The following MLYCD variants were observed in gnomAD, a reference collection of about 807,000 sequenced individuals.
The protein encoded by MLYCD is malonyl-CoA decarboxylase.
In MLYCD, 27 loss-of-function variants were observed where a neutral mutation model predicts 35.8. That is an observed-to-expected ratio of 0.75 (90% confidence interval 0.56 to 1.04). MLYCD has a LOEUF of 1.04. Among genes scored for constraint, MLYCD ranks in the 50% least tolerant of loss-of-function variants. The pLI is 0.00. For synonymous variants in MLYCD, 403 were observed against 302.4 expected, an observed-to-expected ratio of 1.33 and a Z score of -3.45; for missense variants, 917 against 665.1, an observed-to-expected ratio of 1.38 and a Z score of -4.17.
chr16:83,902,257 T>C (rs1250719637), intron 1 of MLYCD, among the ~76,000 whole-genome samples: 6 of 149,854 alleles, frequency 4.0e-5, no homozygotes, highest in African/African-American at 1.2e-4. Context: ...TTATGTTTTT[T>C]CTTGTTACGT....
intron 3 of MLYCD, among the ~76,000 whole-genome samples, 193 bp downstream of exon 3, chr16:83,908,475 C>G (rs995107305): frequency 1.3e-5 from 2 of 149,790 alleles, no homozygotes; most frequent in African/African-American, 2.5e-5. Context: ...AACAGGCAGA[C>G]AGTTATGGAG....
Position 83,922,372 on chromosome 16 carries a change from C to G in MLYCD, c.*6883C>G, listed in dbSNP as rs545289498. On this transcript the variant is annotated 3_prime_UTR_variant, in exon 5 of 5. Transcript: ENST00000262430. ...CCCACCCACAGGGTTTCACAAGAGG[C>G]CCAGCCATGCACCCTGCTGGGGTTC... The G allele has an allele frequency of 6.6e-6, 1 of 152,312 alleles. No individual in the cohort carries two copies. Among genetic ancestry groups the G allele is most frequent in the Non-Finnish European group, 1.5e-5 (1 of 68,122 alleles). 9.4% of individuals were successfully genotyped at this position (152,312 alleles called of 1,614,324 possible).
chr16:83,902,454 C>G (rs1473553304), intron 1 of MLYCD, among the ~76,000 whole-genome samples: 1 of 150,582 alleles, frequency 6.6e-6, no homozygotes, highest in Non-Finnish European at 1.5e-5. Flanking sequence ...ATTGTAACCT[C>G]TCACCAGAAT....
At chr16:83,914,632 T>C in intron 4 of MLYCD, 1 of 391,136 alleles carries the variant, frequency 2.6e-6, no homozygotes, top group Non-Finnish European at 4.9e-6. Flanking sequence ...AAATATTTCC[T>C]GCTGGGTGTG....
intron 1 of MLYCD, among the ~76,000 whole-genome samples, chr16:83,904,591 C>T (rs765629977): frequency 2.0e-5 from 3 of 152,216 alleles, no homozygotes; most frequent in Admixed American, 1.3e-4. Flanking sequence ...GAATGCTTTG[C>T]GAACTATAAA....
intron 3 of MLYCD, among the ~76,000 whole-genome samples, chr16:83,909,597 T>G (rs932511189): frequency 6.6e-6 from 1 of 151,198 alleles, no homozygotes; most frequent in Non-Finnish European, 1.5e-5. Context: ...CTGAGCACCC[T>G]GTGATTTAGG....
In MLYCD at chr16:83,912,524, T is replaced by C. The variant is rs1907217719; in HGVS notation, c.948+157T>C. 6 of 947,826 alleles carry C rather than the reference T, an allele frequency of 6.3e-6. 1 individual carries two copies. The South Asian group carries it at 8.6e-5, about 14-fold the overall frequency. 58.7% of individuals were successfully genotyped at this position (947,826 alleles called of 1,614,324 possible). On this transcript the variant is annotated intron_variant, in intron 4 of 4. Transcript: ENST00000262430. ...AAGGTGCCAGAGACCCCTTGGCAAC[T>C]CCTAGGAGCCATGAGTCTCCCAGAG...
intron 1 of MLYCD, among the ~76,000 whole-genome samples, chr16:83,902,261 G>A (rs1418133825): frequency 2.2e-5 from 3 of 136,586 alleles, no homozygotes; most frequent in Non-Finnish European, 3.2e-5. Flanking sequence ...GTTTTTTCTT[G>A]TTACGTTTCC....
In MLYCD at chr16:83,908,052, A is replaced by G. The variant is rs570729605; in HGVS notation, c.642-74A>G. The G allele has an allele frequency of 8.9e-6, 14 of 1,571,130 alleles. No homozygotes were observed. In the South Asian group the frequency reaches 1.6e-4, roughly 17 times the overall value. ...AAGAACTTGTTTGACTTAGACGAAT[A>G]GTATGAATAGGAGTCAGCAGCCGTT... On this transcript the variant is annotated intron_variant, in intron 2 of 4. Coordinates refer to ENST00000262430, the MANE Select transcript of MLYCD (RefSeq NM_012213.3).
rs750654348 is a variant in MLYCD, at chr16:83,915,193, A to C, written c.1186A>C (p.Thr396Pro). 1.9e-6 allele frequency: 3 copies of C among 1,614,026 alleles called. No homozygotes were observed. In the South Asian group the frequency reaches 3.3e-5, roughly 18 times the overall value. The change falls in exon 5 of 5, where the codon ACT (threonine) becomes CCT (proline). Residue 396 changes from threonine to proline, a missense_variant. Thr to Pro is a conservative substitution (Grantham distance 38, BLOSUM62 -1). Transcript: ENST00000262430. ...QSEKLVRALQTPLMRLCAWYL... is the reference protein window; with the variant it reads ...QSEKLVRALQPPLMRLCAWYL... ...GGAGAAGCTGGTGCGGGCGCTGCAG[A>C]CTCCGCTGATGAGGCTGTGCGCCTG...
At chr16:83,902,747 C>A (rs1368315738) in intron 1 of MLYCD, among the ~76,000 whole-genome samples, 2 of 152,146 alleles carry the variant, frequency 1.3e-5, no homozygotes, top group Admixed American at 6.6e-5. Context: ...CTCAGATGAT[C>A]CGCCCGCCTT....
In MLYCD at chr16:83,916,742, G is replaced by C. The variant is rs1907412504; in HGVS notation, c.*1253G>C. The C allele has an allele frequency of 6.9e-6, 1 of 144,676 alleles. No individual in the cohort carries two copies. Among genetic ancestry groups the C allele is most frequent in the African/African-American group, 2.6e-5 (1 of 38,310 alleles). The allele number at this position is 144,676 out of a possible 1,614,324, so 9.0% of individuals were successfully genotyped here. ...TGCACGTCTGTGTGCGTGTGCCCGAGCGTCTCTGTGTGGATCAGTGCACGT... is the reference window on the plus strand; with the variant it reads ...TGCACGTCTGTGTGCGTGTGCCCGACCGTCTCTGTGTGGATCAGTGCACGT... On this transcript the variant is annotated 3_prime_UTR_variant, in exon 5 of 5. Transcript: ENST00000262430.
At chr16:83,910,425 G>A (rs758062560) in intron 3 of MLYCD, among the ~76,000 whole-genome samples, 27 of 152,004 alleles carry the variant, frequency 1.8e-4, no homozygotes, top group Non-Finnish European at 2.9e-4. Context: ...AGTGACTCGC[G>A]CCCAGAATCC....
At position 83,918,735 on chromosome 16, in the gene MLYCD, AACACAGTGCACAGGAGAACACGC is replaced by A. The variant is rs931204138; in HGVS notation, c.*3260_*3282del. 2.2e-5 allele frequency: 3 copies of A among 135,598 alleles called. No individual in the cohort carries two copies. The highest frequency in any genetic ancestry group is 4.7e-5 in the Non-Finnish European group (3 of 63,316). 8.4% of individuals were successfully genotyped at this position (135,598 alleles called of 1,614,324 possible). Reference sequence around the variant, plus strand: ...GAGAAAACGCACACACAGTGCACAGAACACAGTGCACAGGAGAACACGCACACAGTGCACAGAGAACCACACAG... The same window carrying A: ...GAGAAAACGCACACACAGTGCACAGAACACAGTGCACAGAGAACCACACAG... On this transcript the variant is annotated 3_prime_UTR_variant, in exon 5 of 5. Transcript: ENST00000262430.
At chr16:83,912,029 G>A (rs546595674) in intron 3 of MLYCD, 189 bp from the exon 4 acceptor site, 14 of 749,092 alleles carry the variant, frequency 1.9e-5, no homozygotes, top group Non-Finnish European at 2.7e-5. Context: ...CGGTGGAGTC[G>A]CCTCCTCCAG....
rs1907697948 is a variant in MLYCD at position 83,922,877 on chromosome 16, C to A, written c.*7388C>A. The A allele has an allele frequency of 6.6e-6, 1 of 152,296 alleles. No homozygotes were observed. Among genetic ancestry groups the A allele is most frequent in the Non-Finnish European group, 1.5e-5 (1 of 68,096 alleles). The allele number at this position is 152,296 out of a possible 1,614,324, so 9.4% of individuals were successfully genotyped here. On this transcript the variant is annotated 3_prime_UTR_variant, in exon 5 of 5. Coordinates refer to ENST00000262430, the MANE Select transcript of MLYCD (RefSeq NM_012213.3). Reference sequence around the variant, plus strand: ...GAGGTGACTAAGTGGATCATTCGTTCCCGGGAGAGGTGGGAATGGCTCCTG... The same window carrying A: ...GAGGTGACTAAGTGGATCATTCGTTACCGGGAGAGGTGGGAATGGCTCCTG...
rs1172234515 is a variant in MLYCD, at chr16:83,906,691, T to G, written c.529-296T>G. On this transcript the variant is annotated intron_variant, in intron 1 of 4. Coordinates refer to ENST00000262430, the MANE Select transcript of MLYCD (RefSeq NM_012213.3). Reference sequence around the variant, plus strand: ...TAGTATGCTCACTATGGTGAACGAATTGGAAGATATTATTTGATTTGGGCA... The same window carrying G: ...TAGTATGCTCACTATGGTGAACGAAGTGGAAGATATTATTTGATTTGGGCA... Among the ~76,000 whole-genome samples the G allele has an allele frequency of 2.0e-5, 3 of 152,134 alleles. No homozygotes were observed. The East Asian group carries it at 5.8e-4, about 29-fold the overall frequency.
rs947528564 is a variant in MLYCD, at chr16:83,923,672, T to C, written c.*8183T>C. 19 of 152,330 alleles carry C rather than the reference T, an allele frequency of 1.2e-4. No homozygotes were observed. The highest frequency in any genetic ancestry group is 2.2e-4 in the Non-Finnish European group (15 of 68,120). The allele number at this position is 152,330 out of a possible 1,614,324, so 9.4% of individuals were successfully genotyped here. On this transcript the variant is annotated 3_prime_UTR_variant, in exon 5 of 5. Transcript: ENST00000262430. The stretch of plus-strand genomic sequence containing the variant: ...TGTTCCTCACTTAGAGATGAGGCGA[T>C]GAGGCGGCGAGCTGGGAGAGGGCTG...
Position 83,915,746 on chromosome 16 carries a change from T to A in MLYCD, c.*257T>A. 7.3e-7 allele frequency: 1 copy of A among 1,366,162 alleles called. No homozygotes were observed. Among genetic ancestry groups the A allele is most frequent in the South Asian group, 1.5e-5 (1 of 66,696 alleles). 84.6% of individuals were successfully genotyped at this position (1,366,162 alleles called of 1,614,324 possible). ...GCTGTGCTGTCTCCGGAAGATTCTG[T>A]CGTTGCCCTTGGCCTGGCTCCCTGC... is the stretch of plus-strand genomic sequence containing the variant. On this transcript the variant is annotated 3_prime_UTR_variant, in exon 5 of 5. Transcript: ENST00000262430.
Sources: allele counts gnomAD v4.1 joint callset (sites outside exome capture counted in the v4.1 genomes callset), GRCh38; gene constraint gnomAD v4.1.1; transcripts MANE v1.5; gene names NCBI Gene and HGNC (gene_info 2026-07-23, HGNC 2026-07-21).